SGK3: variants seen among roughly 807,000 people sequenced by gnomAD.
SGK3 encodes the protein serum/glucocorticoid regulated kinase family member 3.
In SGK3, 47 loss-of-function variants were observed where a neutral mutation model predicts 68.5. The observed-to-expected ratio is 0.69, with a 90% CI of 0.54 to 0.87. SGK3 has a LOEUF of 0.87. SGK3 is among the 40% of genes least tolerant of loss of function. The pLI is 0.00. For synonymous variants in SGK3, 181 were observed against 189.1 expected, an observed-to-expected ratio of 0.96 and a Z score of 0.35; for missense variants, 479 against 575.5, an observed-to-expected ratio of 0.83 and a Z score of 1.72.
intron 1 of SGK3, chr8:66,737,322 CA>C (rs1415850311): frequency 6.6e-6 from 1 of 151,672 alleles, no homozygotes; most frequent in African/African-American, 2.4e-5. Flanking sequence ...AGTTCAAGAC[CA>C]GCTTGGGCAA....
chr8:66,831,714 T>A (rs1003338845), intron 8 of SGK3, among the ~76,000 whole-genome samples: 1 of 152,162 alleles, frequency 6.6e-6, no homozygotes, highest in Non-Finnish European at 1.5e-5. Context: ...GCCACAGGAC[T>A]TTTTGGTTTC....
chr8:66,840,355 T>A, intron 12 of SGK3, 108 bp downstream of exon 12: 1 of 1,112,382 alleles, frequency 9.0e-7, no homozygotes, highest in African/African-American at 1.6e-5. Context: ...TTTATTTATA[T>A]AACATTCTCA....
At chr8:66,783,334 T>G (rs1807068146) in intron 1 of SGK3, among the ~76,000 whole-genome samples, 3 of 152,210 alleles carry the variant, frequency 2.0e-5, no homozygotes, top group Admixed American at 2.0e-4. Context: ...TTAAAGAGTT[T>G]TTTGTGTATT....
At position 66,750,886 on chromosome 8, in the gene SGK3, A is replaced by G. The variant is rs142018386; in HGVS notation, c.-122+38053A>G. On this transcript the variant is annotated intron_variant, in intron 1 of 16. Coordinates refer to ENST00000521198, the MANE Select transcript of SGK3 (RefSeq NM_001033578.3). ...CCAGGCATGGTGATGGTGCACCTAT[A>G]GTCTCAACTGCTTGGGAGGCTGAGG... 2.0e-3 allele frequency among the ~76,000 whole-genome samples: 305 copies of G among 151,418 alleles called. 2 individuals carry two copies. Among genetic ancestry groups the G allele is most frequent in the African/African-American group, 6.4e-3 (265 of 41,262 alleles).
chr8:66,750,186 A>G (rs572342585), intron 1 of SGK3, among the ~76,000 whole-genome samples: 1 of 152,228 alleles, frequency 6.6e-6, no homozygotes, highest in African/African-American at 2.4e-5. Flanking sequence ...ATGATAGTCA[A>G]CTTTGCGATT....
chr8:66,827,143 A>C (rs1809093815), intron 6 of SGK3, among the ~76,000 whole-genome samples: 1 of 151,622 alleles, frequency 6.6e-6, no homozygotes, highest in Non-Finnish European at 1.5e-5. Flanking sequence ...CCACTTTGGG[A>C]GGCTAAGGTG....
Position 66,840,080 on chromosome 8 carries a change from A to C in SGK3, c.819A>C (p.Ala273=). The part of the protein sequence containing the change: ...ARFYAAEIAS[A]LGYLHSIKIV... ...TTTACGCTGCTGAAATTGCTAGTGC[A>C]TTGGGTTACTTACATTCCATCAAAA... Residue 273 remains alanine (A), a synonymous_variant, in exon 11 of 17, where the codon GCA becomes GCC. Coordinates refer to ENST00000521198, the MANE Select transcript of SGK3 (RefSeq NM_001033578.3). 6.2e-7 allele frequency: 1 copy of C among 1,613,962 alleles called. No homozygotes were observed. Among genetic ancestry groups the C allele is most frequent in the Non-Finnish European group, 8.5e-7 (1 of 1,179,982 alleles).
chr8:66,737,210 T>A (rs1213992043), intron 1 of SGK3: 1 of 152,092 alleles, frequency 6.6e-6, no homozygotes, highest in East Asian at 1.9e-4. Flanking sequence ...GTAACACAAC[T>A]TTTTCTTCAT....
At chr8:66,743,378 A>G (rs1232007517) in intron 1 of SGK3, among the ~76,000 whole-genome samples, 2 of 152,238 alleles carry the variant, frequency 1.3e-5, no homozygotes, top group Non-Finnish European at 2.9e-5. Context: ...GTACCAGTCC[A>G]TATCCTATCT....
intron 1 of SGK3, among the ~76,000 whole-genome samples, chr8:66,720,781 T>TTATATATATATATA (rs758419858): frequency 0.024 from 3,512 of 146,184 alleles, 59 homozygotes; most frequent in Admixed American, 0.039. Context: ...AAAAAAAAAA[T>TTATATATATATATA]TATATATATA....
At chr8:66,792,193 G>T (rs1408014355) in intron 1 of SGK3, among the ~76,000 whole-genome samples, 1 of 152,008 alleles carries the variant, frequency 6.6e-6, no homozygotes, top group African/African-American at 2.4e-5. Flanking sequence ...GTTGGGCGTG[G>T]TGGCACGTGC....
At chr8:66,774,344 T>A (rs1232435778) in intron 1 of SGK3, among the ~76,000 whole-genome samples, 1 of 152,050 alleles carries the variant, frequency 6.6e-6, no homozygotes, top group Non-Finnish European at 1.5e-5. Flanking sequence ...TATTTTTATT[T>A]TAGAAACAGG....
intron 1 of SGK3, among the ~76,000 whole-genome samples, chr8:66,722,154 G>C (rs765595952): frequency 7.2e-5 from 11 of 152,166 alleles, no homozygotes; most frequent in Non-Finnish European, 1.0e-4. Flanking sequence ...GTAAAGGTGC[G>C]TGGGCCAGAT....
At chr8:66,766,763 T>C (rs1806332118) in intron 1 of SGK3, among the ~76,000 whole-genome samples, 1 of 152,216 alleles carries the variant, frequency 6.6e-6, no homozygotes, top group Non-Finnish European at 1.5e-5. Flanking sequence ...TCTTGATAAA[T>C]TGGCCCCTTT....
chr8:66,757,949 A>T (rs1806033917), intron 1 of SGK3, among the ~76,000 whole-genome samples: 1 of 148,594 alleles, frequency 6.7e-6, no homozygotes. Context: ...ATATACATAT[A>T]TATATATACA....
intron 14 of SGK3, among the ~76,000 whole-genome samples, chr8:66,844,010 A>C (rs1036697299): frequency 4.0e-5 from 6 of 151,714 alleles, no homozygotes; most frequent in Non-Finnish European, 8.8e-5. Context: ...AAAAAAAAAA[A>C]AAAAAAAAAC....
Position 66,859,446 on chromosome 8 carries a change from A to G in SGK3, c.1356A>G (p.Ala452=). 1.2e-6 allele frequency: 2 copies of G among 1,610,968 alleles called. No homozygotes were observed. Residue 452 remains alanine, a synonymous_variant, in exon 17 of 17, where the codon GCA becomes GCG. Coordinates refer to ENST00000521198, the MANE Select transcript of SGK3 (RefSeq NM_001033578.3). ...ATGATATCAGAAACTTTGACACAGCATTTACAGAAGAAACAGTTCCATATT... is the reference window on the plus strand; with the variant it reads ...ATGATATCAGAAACTTTGACACAGCGTTTACAGAAGAAACAGTTCCATATT... ...GPDDIRNFDT[A]FTEETVPYSV...
In SGK3 at chr8:66,855,026, G is replaced by A. The variant is rs117226282; in HGVS notation, c.1320+4106G>A. 1.6e-4 allele frequency among the ~76,000 whole-genome samples: 24 copies of A among 152,194 alleles called. 1 individual carries two copies. In the East Asian group the frequency reaches 4.6e-3, roughly 29 times the overall value. On this transcript the variant is annotated intron_variant, in intron 16 of 16. Transcript: ENST00000521198. The stretch of plus-strand genomic sequence containing the variant: ...CAAAAAGTGAAAATTAGCTGGGTGT[G>A]GTGGCACGCACCTGTGGTCACACCT...
At chr8:66,815,279 G>C (rs1048998979) in intron 5 of SGK3, among the ~76,000 whole-genome samples, 2 of 152,276 alleles carry the variant, frequency 1.3e-5, no homozygotes, top group Middle Eastern at 3.4e-3. Context: ...GATTTCCCCT[G>C]ATGCTCCCAG....
Sources: gnomAD v4.1 joint callset for allele counts (sites outside exome capture counted in the v4.1 genomes callset) on GRCh38, gnomAD v4.1.1 for gene constraint, MANE v1.5 for transcripts, NCBI Gene and HGNC (gene_info 2026-07-23, HGNC 2026-07-21) for gene names.